AKAP13: variants seen among roughly 807,000 people sequenced by gnomAD.
The protein encoded by AKAP13 is A-kinase anchor protein 13.
Under a neutral mutation model 264.5 loss-of-function variants are expected in AKAP13, and 80 were observed. The observed-to-expected ratio is 0.30, with a 90% CI of 0.25 to 0.36. The LOEUF is 0.36. AKAP13 is among the 10% of genes least tolerant of loss of function. The pLI is 1.00. For missense variants in AKAP13, 3,712 were observed against 3,435.2 expected (o/e 1.08, Z -2.01); for synonymous variants, 1,380 against 1,250.2 (o/e 1.10, Z -2.19).
At chr15:85,388,146 G>C (rs747579279) in intron 1 of AKAP13, among the ~76,000 whole-genome samples, 7 of 151,200 alleles carry the variant, frequency 4.6e-5, no homozygotes, top group East Asian at 1.9e-4. Flanking sequence ...AGTGATTCTC[G>C]TGCCTCAGCC....
intron 8 of AKAP13, among the ~76,000 whole-genome samples, chr15:85,631,780 C>G (rs2061819): frequency 6.6e-6 from 1 of 151,954 alleles, no homozygotes; most frequent in Non-Finnish European, 1.5e-5. Context: ...TCTTTGCAAA[C>G]TAAAGTTATT....
chr15:85,505,426 A>G (rs1006710125), intron 2 of AKAP13, among the ~76,000 whole-genome samples: 25 of 152,184 alleles, frequency 1.6e-4, no homozygotes, highest in African/African-American at 5.8e-4. Context: ...GTTGGCATTG[A>G]GAAAGGGGTA....
intron 36 of AKAP13, 200 bp from the exon 37 acceptor site, chr15:85,744,428 G>A: frequency 1.7e-6 from 1 of 591,950 alleles, no homozygotes; most frequent in South Asian, 2.0e-5. Flanking sequence ...AAAAGTTAAA[G>A]GGAGCATTAG....
intron 2 of AKAP13, among the ~76,000 whole-genome samples, chr15:85,494,470 C>T (rs780814453): frequency 2.6e-5 from 4 of 152,184 alleles, no homozygotes; most frequent in Non-Finnish European, 5.9e-5. Context: ...GAATCCCATA[C>T]TTGATATGCC....
intron 16 of AKAP13, among the ~76,000 whole-genome samples, chr15:85,688,731 A>C (rs776358499): frequency 6.6e-6 from 1 of 152,198 alleles, no homozygotes; most frequent in Non-Finnish European, 1.5e-5. Flanking sequence ...AACTTAAGAA[A>C]TTGAGTCCTT....
chr15:85,533,715 A>T lies in AKAP13; in HGVS notation c.313A>T (p.Thr105Ser). The change falls in exon 4 of 37, where the codon ACC becomes TCC. Residue 105 changes from threonine to serine, a missense_variant. Thr to Ser is a moderately conservative substitution (Grantham distance 58, BLOSUM62 1). Transcript: ENST00000394518. Reference sequence around the variant, plus strand: ...GTATGATGCAGCTCAATTCCTAGCAACCAGTGCTGGAAATCAGCAGGCTTT... The same window carrying T: ...GTATGATGCAGCTCAATTCCTAGCATCCAGTGCTGGAAATCAGCAGGCTTT... ...EAYDAAQFLA[T>S]SAGNQQALNF... 1 of 1,614,160 alleles carries T rather than the reference A, an allele frequency of 6.2e-7. No individual in the cohort carries two copies. The highest frequency in any genetic ancestry group is 8.5e-7 in the Non-Finnish European group (1 of 1,180,028).
chr15:85,669,034 G>A (rs769191713), intron 13 of AKAP13, among the ~76,000 whole-genome samples: 1 of 150,888 alleles, frequency 6.6e-6, no homozygotes, highest in Non-Finnish European at 1.5e-5. Context: ...TCAGGAGTTC[G>A]AGACCTGCCT....
At chr15:85,670,500 C>T (rs562652850) in intron 14 of AKAP13, among the ~76,000 whole-genome samples, 32 of 149,008 alleles carry the variant, frequency 2.1e-4, no homozygotes, top group Middle Eastern at 3.4e-3. Context: ...AAATTAATAT[C>T]GATAAAATTG....
At chr15:85,661,500 C>T (rs2083343819) in intron 12 of AKAP13, among the ~76,000 whole-genome samples, 1 of 152,108 alleles carries the variant, frequency 6.6e-6, no homozygotes, top group Non-Finnish European at 1.5e-5. Context: ...GGGTGGATCA[C>T]TTGAGGTCAG....
At chr15:85,638,600 A>G (rs886616455) in intron 8 of AKAP13, among the ~76,000 whole-genome samples, 1 of 152,214 alleles carries the variant, frequency 6.6e-6, no homozygotes, top group East Asian at 1.9e-4. Flanking sequence ...TTAAAATTCA[A>G]TCAAAGAGAA....
At chr15:85,454,797 A>G (rs893719409) in intron 1 of AKAP13, among the ~76,000 whole-genome samples, 1 of 152,078 alleles carries the variant, frequency 6.6e-6, no homozygotes, top group African/African-American at 2.4e-5. Context: ...GACTTTGCAC[A>G]CCTTAGTTGT....
At chr15:85,646,047 G>C (rs557608223) in intron 10 of AKAP13, 93 bp downstream of exon 10, 1 of 1,485,024 alleles carries the variant, frequency 6.7e-7, no homozygotes, top group Admixed American at 2.0e-5. Flanking sequence ...TCCCCCTCTT[G>C]TGCTCTCCTG....
chr15:85,556,157 C>T (rs981575643), intron 5 of AKAP13, among the ~76,000 whole-genome samples: 1 of 152,144 alleles, frequency 6.6e-6, no homozygotes, highest in Non-Finnish European at 1.5e-5. Flanking sequence ...GTCTCAGTTT[C>T]CACACATGCA....
chr15:85,704,075 A>C (rs1480566340), intron 17 of AKAP13, among the ~76,000 whole-genome samples: 1 of 152,138 alleles, frequency 6.6e-6, no homozygotes, highest in Non-Finnish European at 1.5e-5. Context: ...CCTTAAAGGT[A>C]ATTCCTCAAC....
chr15:85,655,904 T>G lies in AKAP13; in HGVS notation c.4745+117T>G, dbSNP rs1388926866. ...AGACCCCATAGTATAGAAGAAAGAA[T>G]ATAGGCTTTGGAATCAGGAAAATCT... On this transcript the variant is annotated intron_variant, in intron 11 of 36. Coordinates refer to ENST00000394518, the MANE Select transcript of AKAP13 (RefSeq NM_007200.5). The G allele has an allele frequency of 2.1e-6, 3 of 1,424,320 alleles. No homozygotes were observed. In the Admixed American group the frequency reaches 7.9e-5, roughly 37 times the overall value. 88.2% of individuals were successfully genotyped at this position (1,424,320 alleles called of 1,614,324 possible).
chr15:85,544,125 C>G, intron 5 of AKAP13, 170 bp downstream of exon 5: 1 of 791,624 alleles, frequency 1.3e-6, no homozygotes, highest in Non-Finnish European at 2.1e-6. Flanking sequence ...CTAACCACTT[C>G]ATTGTCTGAG....
At chr15:85,684,949 G>A in intron 16 of AKAP13, 76 bp downstream of exon 16, 1 of 1,482,280 alleles carries the variant, frequency 6.7e-7, no homozygotes, top group Non-Finnish European at 9.1e-7. Flanking sequence ...ACCAAAACTG[G>A]TTAAATCATG....
At chr15:85,416,640 A>C (rs2072255246) in intron 1 of AKAP13, among the ~76,000 whole-genome samples, 1 of 152,206 alleles carries the variant, frequency 6.6e-6, no homozygotes, top group Non-Finnish European at 1.5e-5. Flanking sequence ...TTTAACTTGC[A>C]GGGTGTGTTA....
At chr15:85,430,905 C>A (rs1466424732) in intron 1 of AKAP13, among the ~76,000 whole-genome samples, 4 of 152,140 alleles carry the variant, frequency 2.6e-5, no homozygotes, top group African/African-American at 9.7e-5. Context: ...ATCCCACATT[C>A]AAATCCACAC....
Sources: allele counts gnomAD v4.1 joint callset (sites outside exome capture counted in the v4.1 genomes callset), GRCh38; gene constraint gnomAD v4.1.1; transcripts MANE v1.5; gene names NCBI Gene and HGNC (gene_info 2026-07-23, HGNC 2026-07-21).